The following NFXL1 variants were observed in gnomAD, a reference collection of about 807,000 sequenced individuals.
NFXL1 encodes the protein nuclear transcription factor, X-box binding like 1.
NFXL1 carries 66 observed loss-of-function variants against 123.3 expected under a neutral mutation model. That is an observed-to-expected ratio of 0.54 (90% CI 0.44 to 0.66). The LOEUF is 0.66. Among genes scored for constraint, NFXL1 ranks in the 30% least tolerant of loss-of-function variants. NFXL1 has a pLI of 0.00. For missense variants in NFXL1, 944 were observed against 1,125.6 expected, an observed-to-expected ratio of 0.84 and a Z score of 2.31; for synonymous variants, 346 against 360.8, an observed-to-expected ratio of 0.96 and a Z score of 0.46.
chr4:47,874,446 T>C (rs945878580), intron 18 of NFXL1, among the ~76,000 whole-genome samples: 3 of 152,056 alleles, frequency 2.0e-5, no homozygotes, highest in Non-Finnish European at 2.9e-5. Flanking sequence ...CAAGAAGAGG[T>C]AGAGAGATAG....
intron 15 of NFXL1, among the ~76,000 whole-genome samples, chr4:47,882,605 A>G (rs1385775426): frequency 6.6e-6 from 1 of 152,204 alleles, no homozygotes. Context: ...TTAGGTTTTC[A>G]TTTAGATTTT....
At chr4:47,887,800 C>G (rs1417939941) in intron 12 of NFXL1, among the ~76,000 whole-genome samples, 1 of 152,166 alleles carries the variant, frequency 6.6e-6, no homozygotes, top group Non-Finnish European at 1.5e-5. Flanking sequence ...TTTCTCTAAA[C>G]AGTCTCCCTA....
intron 19 of NFXL1, 65 bp from the exon 20 acceptor site, chr4:47,855,228 T>A: frequency 1.2e-6 from 1 of 858,608 alleles, no homozygotes; most frequent in East Asian, 2.7e-5. Context: ...GTTTCCCCCA[T>A]ACCCCAACAA....
intron 18 of NFXL1, among the ~76,000 whole-genome samples, chr4:47,874,792 A>C (rs1374439585): frequency 1.3e-5 from 2 of 152,226 alleles, no homozygotes; most frequent in African/African-American, 4.8e-5. Context: ...TGTATGTACA[A>C]GTCAAATTTT....
intron 17 of NFXL1, 123 bp downstream of exon 17, chr4:47,878,402 G>T: frequency 1.4e-6 from 1 of 701,044 alleles, no homozygotes; most frequent in East Asian, 2.7e-5. Flanking sequence ...AGAAGGAGAA[G>T]GGATGAGGGC....
intron 15 of NFXL1, among the ~76,000 whole-genome samples, chr4:47,880,807 T>TA (rs57880960): frequency 0.023 from 1,847 of 78,792 alleles, 32 homozygotes; most frequent in Middle Eastern, 0.038. Context: ...AATTAATGAG[T>TA]AAAAAAAAAA....
At position 47,885,500 on chromosome 4, in the gene NFXL1, T is replaced by C. The variant is rs1223209201; in HGVS notation, c.1822A>G (p.Arg608Gly). 1 of 1,610,318 alleles carries C rather than the reference T, an allele frequency of 6.2e-7. No individual in the cohort carries two copies. Among genetic ancestry groups the C allele is most frequent in the South Asian group, 1.1e-5 (1 of 90,618 alleles). Residue 608 changes from arginine (R) to glycine (G), a missense_variant and splice_region_variant, in exon 14 of 23, where the codon AGG (arginine) becomes GGG (glycine). By Grantham distance (125) the Arg-to-Gly change is moderately radical. Coordinates refer to ENST00000507489, the MANE Select transcript of NFXL1 (RefSeq NM_001278624.2). Reference sequence around the variant, plus strand: ...CTCTAATAGTATTATTCCCTTACCCTGCCAGTCTGCTTTATTAATGCTTGA... The same window carrying C: ...CTCTAATAGTATTATTCCCTTACCCCGCCAGTCTGCTTTATTAATGCTTGA... ...HDQALIKQTG[R>G]HQPTGPWEQP...
Position 47,878,489 on chromosome 4 carries a change from C to G in NFXL1, c.2079+36G>C. On this transcript the variant is annotated intron_variant, in intron 17 of 22. Transcript: ENST00000507489. ...CTGTTGAAAAAACGTTTCAAGAATA[C>G]TATGGGCAGATATACATTCAATCTA... The G allele has an allele frequency of 2.1e-6, 3 of 1,437,900 alleles. No individual in the cohort carries two copies. The South Asian group carries it at 4.4e-5, about 21-fold the overall frequency. 89.1% of individuals were successfully genotyped at this position (1,437,900 alleles called of 1,614,324 possible). A position where few individuals can be genotyped will look rare whatever the true frequency, so the allele number is the denominator to read the frequency against.
intron 18 of NFXL1, among the ~76,000 whole-genome samples, chr4:47,873,634 TC>T (rs1450323908): frequency 6.6e-6 from 1 of 152,230 alleles, no homozygotes; most frequent in Non-Finnish European, 1.5e-5. Context: ...TATACTGTCA[TC>T]CAGGCTTTGT....
At chr4:47,881,945 A>G (rs2110075474) in intron 15 of NFXL1, among the ~76,000 whole-genome samples, 1 of 152,310 alleles carries the variant, frequency 6.6e-6, no homozygotes, top group South Asian at 2.1e-4. Context: ...ACTATTCTGT[A>G]TGAAACTATA....
At chr4:47,855,265 G>A (rs1734343585) in intron 19 of NFXL1, 102 bp from the exon 20 acceptor site, 1 of 597,664 alleles carries the variant, frequency 1.7e-6, no homozygotes, top group African/African-American at 2.0e-5. Context: ...CACACAAAGG[G>A]TCAATCAATC....
At chr4:47,851,600 G>A (rs1038186870) in intron 21 of NFXL1, among the ~76,000 whole-genome samples, 2 of 151,992 alleles carry the variant, frequency 1.3e-5, no homozygotes, top group Admixed American at 1.3e-4. Context: ...GTTGATGGAG[G>A]GGAAGAGTAA....
At chr4:47,886,705 C>T (rs527479355) in intron 12 of NFXL1, among the ~76,000 whole-genome samples, 2 of 152,222 alleles carry the variant, frequency 1.3e-5, no homozygotes, top group Non-Finnish European at 2.9e-5. Context: ...TACACTGGTA[C>T]CTCATAAAGT....
Position 47,888,562 on chromosome 4 carries a change from A to C in NFXL1, c.1543+2051T>G, listed in dbSNP as rs577166576. 2.3e-3 allele frequency among the ~76,000 whole-genome samples: 309 copies of C among 132,272 alleles called. 1 individual carries two copies. The highest frequency in any genetic ancestry group is 2.7e-3 in the Non-Finnish European group (166 of 61,066). The allele number at this position is 132,272 out of a possible 152,430, so 86.8% of individuals were successfully genotyped here. Reference sequence around the variant, plus strand: ...AATCTATAAAAACAAAACAAACAAAAAAACACCACTCTACCAAAAAATATC... The same window carrying C: ...AATCTATAAAAACAAAACAAACAAACAAACACCACTCTACCAAAAAATATC... On this transcript the variant is annotated intron_variant, in intron 12 of 22. Transcript: ENST00000507489.
intron 14 of NFXL1, among the ~76,000 whole-genome samples, 162 bp downstream of exon 14, chr4:47,885,336 G>C (rs1464599030): frequency 6.6e-6 from 1 of 152,040 alleles, no homozygotes; most frequent in Non-Finnish European, 1.5e-5. Flanking sequence ...CCTACACTGT[G>C]AGTTGCTTAA....
intron 18 of NFXL1, among the ~76,000 whole-genome samples, chr4:47,868,244 G>A (rs1489423604): frequency 3.3e-5 from 5 of 152,002 alleles, no homozygotes; most frequent in African/African-American, 7.2e-5. Flanking sequence ...GCGTGAACTC[G>A]GGAAGCGGAG....
At chr4:47,882,859 G>A (rs1736197116) in intron 15 of NFXL1, among the ~76,000 whole-genome samples, 2 of 152,068 alleles carry the variant, frequency 1.3e-5, no homozygotes, top group Non-Finnish European at 2.9e-5. Flanking sequence ...CATGTCATCT[G>A]AAAATACAAA....
At chr4:47,900,731 C>A (rs140945314) in intron 5 of NFXL1, among the ~76,000 whole-genome samples, 29 of 152,302 alleles carry the variant, frequency 1.9e-4, no homozygotes, top group Non-Finnish European at 3.7e-4. Flanking sequence ...TATGCTAGAA[C>A]AAGTTTCATA....
Position 47,898,956 on chromosome 4 carries a change from T to C in NFXL1, c.988+3A>G, listed in dbSNP as rs1408454079. 3.1e-6 allele frequency: 5 copies of C among 1,614,046 alleles called. No individual in the cohort carries two copies. The South Asian group carries it at 3.3e-5, about 11-fold the overall frequency. ...GAAAAATCTAATGGGTATGGCCTTT[T>C]ACCTGCATGACAAGGATTTTCACAC... is the stretch of plus-strand genomic sequence containing the variant. On this transcript the variant is annotated splice_donor_region_variant and intron_variant, in intron 7 of 22. Coordinates refer to ENST00000507489, the MANE Select transcript of NFXL1 (RefSeq NM_001278624.2).
Sources: gnomAD v4.1 joint callset for allele counts (sites outside exome capture counted in the v4.1 genomes callset) on GRCh38, gnomAD v4.1.1 for gene constraint, MANE v1.5 for transcripts, NCBI Gene and HGNC (gene_info 2026-07-23, HGNC 2026-07-21) for gene names.